Variants in DAB1 observed in about 807,000 individuals in gnomAD.
DAB1 encodes disabled homolog 1.
DAB1 carries 15 observed loss-of-function variants against 64.6 expected under a neutral mutation model. The ratio of observed to expected loss-of-function variants is 0.23; its 90% CI spans 0.16 to 0.36. DAB1 has a LOEUF of 0.36. Among genes scored for constraint, DAB1 ranks in the 10% least tolerant of loss-of-function variants. The pLI, the probability that DAB1 is intolerant of heterozygous loss-of-function variation, is 1.00. For missense variants in DAB1, 596 were observed against 706.7 expected (o/e 0.84, Z 1.78); for synonymous variants, 235 against 251.9 (o/e 0.93, Z 0.64).
intron 2 of DAB1, among the ~76,000 whole-genome samples, chr1:57,258,558 G>A (rs1570080700): frequency 6.6e-6 from 1 of 152,084 alleles, no homozygotes; most frequent in Admixed American, 6.6e-5. Flanking sequence ...TGATTTCGAT[G>A]AGCTTTTCTC....
At chr1:57,457,506 T>C (rs1371480062) in intron 7 of DAB1, among the ~76,000 whole-genome samples, 2 of 152,178 alleles carry the variant, frequency 1.3e-5, no homozygotes, top group East Asian at 1.9e-4. Context: ...GAAAATTATC[T>C]GCTGCTAGAT....
intron 7 of DAB1, among the ~76,000 whole-genome samples, chr1:57,516,531 T>C (rs1248509598): frequency 1.3e-5 from 2 of 152,206 alleles, no homozygotes; most frequent in African/African-American, 2.4e-5. Flanking sequence ...AGCTACTGCT[T>C]ATACAATGAC....
intron 6 of DAB1, among the ~76,000 whole-genome samples, chr1:57,755,480 C>T (rs1648762574): frequency 6.6e-6 from 1 of 152,138 alleles, no homozygotes; most frequent in African/African-American, 2.4e-5. Flanking sequence ...ATTGGTCGAT[C>T]CCACATGAAT....
chr1:57,915,170 G>A lies in DAB1; in HGVS notation n.388-31008C>T, dbSNP rs559057926. On this transcript the variant is annotated intron_variant and non_coding_transcript_variant, in intron 5 of 20. Coordinates refer to the DAB1 transcript ENST00000485760. ...AGAACTGGAAGGAAATACCCGGAAG[G>A]AAAAAAAGAACTGGAAAGAAATGTG... Among the ~76,000 whole-genome samples the A allele has an allele frequency of 3.3e-5, 5 of 149,816 alleles. No individual in the cohort carries two copies. The South Asian group carries it at 1.1e-3, about 32-fold the overall frequency.
At chr1:57,215,976 T>G (rs1460032134) in intron 2 of DAB1, among the ~76,000 whole-genome samples, 1 of 152,148 alleles carries the variant, frequency 6.6e-6, no homozygotes, top group Non-Finnish European at 1.5e-5. Context: ...CCCAACTGAT[T>G]GGAGGACCAG....
intron 6 of DAB1, among the ~76,000 whole-genome samples, chr1:57,757,094 A>AAT (rs1270130564): frequency 3.9e-5 from 6 of 152,074 alleles, no homozygotes; most frequent in Non-Finnish European, 5.9e-5. Flanking sequence ...ATCATCTGGG[A>AAT]ATCTTGTAAA....
At chr1:57,760,824 A>G (rs933979590) in intron 6 of DAB1, among the ~76,000 whole-genome samples, 40 of 152,154 alleles carry the variant, frequency 2.6e-4, no homozygotes, top group African/African-American at 9.4e-4. Context: ...AGTACAGGAA[A>G]GCAAGCCCAA....
intron 4 of DAB1, among the ~76,000 whole-genome samples, chr1:58,170,872 C>T (rs1656131270): frequency 6.6e-6 from 1 of 152,098 alleles, no homozygotes; most frequent in Admixed American, 6.6e-5. Flanking sequence ...ATGTCATCAC[C>T]CTCACTGAGC....
At chr1:57,719,147 G>A (rs1647120575) in intron 6 of DAB1, among the ~76,000 whole-genome samples, 1 of 152,204 alleles carries the variant, frequency 6.6e-6, no homozygotes, top group African/African-American at 2.4e-5. Flanking sequence ...TGGCCGCTGA[G>A]TGAATCCAGT....
intron 7 of DAB1, among the ~76,000 whole-genome samples, chr1:57,510,248 T>A (rs1370960577): frequency 6.6e-6 from 1 of 152,180 alleles, no homozygotes; most frequent in Middle Eastern, 3.2e-3. Flanking sequence ...GAGCTCTCTC[T>A]GCCTGCACTT....
At chr1:57,814,922 C>T (rs763344320) in intron 6 of DAB1, among the ~76,000 whole-genome samples, 2 of 152,274 alleles carry the variant, frequency 1.3e-5, no homozygotes, top group African/African-American at 2.4e-5. Flanking sequence ...GCACTACCTA[C>T]GTAGCTCACA....
chr1:57,408,408 A>T (rs553551280), intron 1 of DAB1, among the ~76,000 whole-genome samples: 1 of 152,174 alleles, frequency 6.6e-6, no homozygotes, highest in Admixed American at 6.5e-5. Context: ...CAAATGGGTG[A>T]CTATTCCTAC....
intron 5 of DAB1, among the ~76,000 whole-genome samples, chr1:58,019,960 T>C (rs1010233328): frequency 6.6e-6 from 1 of 152,188 alleles, no homozygotes; most frequent in African/African-American, 2.4e-5. Flanking sequence ...CTGCAAAATA[T>C]GTTCTCTTTA....
chr1:57,649,286 AT>A (rs1646228852), intron 7 of DAB1, among the ~76,000 whole-genome samples: 1 of 152,198 alleles, frequency 6.6e-6, no homozygotes, highest in African/African-American at 2.4e-5. Flanking sequence ...GAGATGATCT[AT>A]TAGAAGTGGC....
intron 6 of DAB1, among the ~76,000 whole-genome samples, chr1:57,764,991 T>C (rs1430132941): frequency 6.6e-6 from 1 of 152,202 alleles, no homozygotes; most frequent in African/African-American, 2.4e-5. Context: ...TCCAGGAATG[T>C]AACAATATTA....
intron 7 of DAB1, among the ~76,000 whole-genome samples, chr1:57,456,338 C>T (rs1016695567): frequency 6.6e-6 from 1 of 152,158 alleles, no homozygotes; most frequent in South Asian, 2.1e-4. Flanking sequence ...CACAGCATCT[C>T]TCACCATTAA....
At chr1:58,006,773 C>T (rs186331106) in intron 5 of DAB1, among the ~76,000 whole-genome samples, 6 of 152,294 alleles carry the variant, frequency 3.9e-5, no homozygotes, top group African/African-American at 1.4e-4. Flanking sequence ...CAAGCACCTC[C>T]TCTCTGCCTC....
intron 6 of DAB1, among the ~76,000 whole-genome samples, chr1:57,659,005 T>C (rs1413187107): frequency 3.3e-5 from 5 of 152,176 alleles, no homozygotes; most frequent in African/African-American, 7.2e-5. Context: ...CCCAGTCCCA[T>C]CCCTTTAAGC....
chr1:58,444,637 C>A (rs1471280628), intron 3 of DAB1, among the ~76,000 whole-genome samples: 1 of 152,180 alleles, frequency 6.6e-6, no homozygotes, highest in Non-Finnish European at 1.5e-5. Context: ...CATGTTTCTG[C>A]CCCGAAGTGA....
Sources: gnomAD v4.1 joint callset for allele counts (sites outside exome capture counted in the v4.1 genomes callset) on GRCh38, gnomAD v4.1.1 for gene constraint, MANE v1.5 for transcripts, NCBI Gene and HGNC (gene_info 2026-07-23, HGNC 2026-07-21) for gene names.